EPHA7: variants seen among roughly 807,000 people sequenced by gnomAD.
EPHA7 encodes the protein ephrin type-A receptor 7.
EPHA7 carries 25 observed loss-of-function variants against 112.6 expected under a neutral mutation model. The ratio of observed to expected loss-of-function variants is 0.22; its 90% CI spans 0.16 to 0.31. The LOEUF is 0.31. EPHA7 is among the 10% of genes least tolerant of loss of function. The pLI is 1.00. For synonymous variants in EPHA7, 437 were observed against 406.5 expected (o/e 1.07, Z -0.90); for missense variants, 962 against 1,212.6 (o/e 0.79, Z 3.07).
At chr6:93,313,926 A>G (rs1468080148) in intron 5 of EPHA7, among the ~76,000 whole-genome samples, 1 of 152,158 alleles carries the variant, frequency 6.6e-6, no homozygotes, top group East Asian at 1.9e-4. Context: ...TTCATTAGGA[A>G]TAATGAGTTT....
In EPHA7 at chr6:93,241,458, G is replaced by T. The variant is rs752049255; in HGVS notation, c.*1968C>A. 3.7e-4 allele frequency: 80 copies of T among 215,186 alleles called. No individual in the cohort carries two copies. Among genetic ancestry groups the T allele is most frequent in the Admixed American group, 2.9e-3 (50 of 17,118 alleles). 13.3% of individuals were successfully genotyped at this position (215,186 alleles called of 1,614,324 possible). A position where few individuals can be genotyped will look rare whatever the true frequency, so the allele number is the denominator to read the frequency against. ...AAATATATTTACAGTCTATTACAAA[G>T]ATTACAAATGGAAGTGTCTAGGTGA... is the stretch of plus-strand genomic sequence containing the variant. On this transcript the variant is annotated 3_prime_UTR_variant, in exon 17 of 17. Coordinates refer to ENST00000369303, the MANE Select transcript of EPHA7 (RefSeq NM_004440.4).
intron 3 of EPHA7, among the ~76,000 whole-genome samples, chr6:93,368,254 C>A (rs1055428932): frequency 6.6e-6 from 1 of 152,078 alleles, no homozygotes; most frequent in Non-Finnish European, 1.5e-5. Flanking sequence ...TCTTTTACAG[C>A]ATGCCCAATT....
chr6:93,405,486 C>A (rs1296597385), intron 3 of EPHA7, among the ~76,000 whole-genome samples: 1 of 151,716 alleles, frequency 6.6e-6, no homozygotes, highest in Non-Finnish European at 1.5e-5. Flanking sequence ...ATTTGTTCAT[C>A]ACCATGAGGT....
intron 5 of EPHA7, among the ~76,000 whole-genome samples, chr6:93,305,325 C>CAA (rs201375496): frequency 6.5e-5 from 9 of 138,328 alleles, no homozygotes; most frequent in African/African-American, 2.1e-4. Flanking sequence ...AGTAAAAGTC[C>CAA]AAAAAAAAAA....
At chr6:93,297,424 T>G (rs1258068114) in intron 5 of EPHA7, among the ~76,000 whole-genome samples, 2 of 152,114 alleles carry the variant, frequency 1.3e-5, no homozygotes, top group Non-Finnish European at 2.9e-5. Context: ...TAAACCAAAG[T>G]TCTTTTGGTC....
chr6:93,410,389 G>T lies in EPHA7; in HGVS notation c.832+112C>A. 1.0e-6 allele frequency: 1 copy of T among 961,222 alleles called. No homozygotes were observed. Among genetic ancestry groups the T allele is most frequent in the Non-Finnish European group, 1.6e-6 (1 of 643,586 alleles). The allele number at this position is 961,222 out of a possible 1,614,324, so 59.5% of individuals were successfully genotyped here. A position where few individuals can be genotyped will look rare whatever the true frequency, so the allele number is the denominator to read the frequency against. ...GACTTTGTTTAAGATCTACTGAATT[G>T]CGCTTCTGGTACAGAGCAGATTCAC... On this transcript the variant is annotated intron_variant, in intron 3 of 16. Coordinates refer to ENST00000369303, the MANE Select transcript of EPHA7 (RefSeq NM_004440.4). The surrounding 1 kb of genome is among the most constrained non-coding windows in gnomAD (Gnocchi z 4.0).
chr6:93,263,188 T>A lies in EPHA7; in HGVS notation c.1798+672A>T, dbSNP rs552291284. On this transcript the variant is annotated intron_variant, in intron 9 of 16. Transcript: ENST00000369303. ...TTTTGATTTTGCCTACATAAAGTAA[T>A]AACAGTTACTCTCAGTGCTCTCATT... Among the ~76,000 whole-genome samples the A allele has an allele frequency of 2.6e-5, 4 of 151,480 alleles. No individual in the cohort carries two copies. In the East Asian group the frequency reaches 7.8e-4, roughly 30 times the overall value.
At chr6:93,405,716 C>G (rs946765543) in intron 3 of EPHA7, among the ~76,000 whole-genome samples, 12 of 149,358 alleles carry the variant, frequency 8.0e-5, no homozygotes, top group African/African-American at 2.9e-4. Flanking sequence ...GTGAAACCAG[C>G]ATTTTGAAAC....
chr6:93,418,937 C>T (rs1002165570), intron 1 of EPHA7, among the ~76,000 whole-genome samples: 1 of 152,202 alleles, frequency 6.6e-6, no homozygotes. Flanking sequence ...GAAATAAGCT[C>T]GCCGGCAGTT....
chr6:93,266,172 CTTTTAAAAATTTGCTTATTTTTTGT>C (rs1770925927), intron 7 of EPHA7, among the ~76,000 whole-genome samples: 1 of 151,554 alleles, frequency 6.6e-6, no homozygotes, highest in Non-Finnish European at 1.5e-5. Flanking sequence ...GACTTCAAGT[CTTTTAAAAATTTGCTTATTTTTTGT>C]TTTTAGTCTG....
In EPHA7 at chr6:93,242,533, C is replaced by T. The variant is rs1463054479; in HGVS notation, c.*893G>A. The T allele has an allele frequency of 9.9e-6, 2 of 201,274 alleles. No individual in the cohort carries two copies. The highest frequency in any genetic ancestry group is 4.6e-5 in the African/African-American group (2 of 43,586). The allele number at this position is 201,274 out of a possible 1,614,324, so 12.5% of individuals were successfully genotyped here. ...GATAGTTCTGCTTTCAGAGACTTGC[C>T]TTCACCAACATTCTTCAGATGAAGT... On this transcript the variant is annotated 3_prime_UTR_variant, in exon 17 of 17. Transcript: ENST00000369303.
chr6:93,341,294 A>C (rs1775123458), intron 5 of EPHA7, among the ~76,000 whole-genome samples: 1 of 151,868 alleles, frequency 6.6e-6, no homozygotes, highest in Admixed American at 6.6e-5. Context: ...ATAATTTCCA[A>C]ATATACAAAT....
At chr6:93,399,189 C>A (rs562199077) in intron 3 of EPHA7, among the ~76,000 whole-genome samples, 1 of 151,978 alleles carries the variant, frequency 6.6e-6, no homozygotes, top group African/African-American at 2.4e-5. Context: ...TAAGAGGTGC[C>A]CACTGTTCTC....
intron 5 of EPHA7, among the ~76,000 whole-genome samples, chr6:93,281,976 T>A (rs964715731): frequency 2.0e-5 from 3 of 151,926 alleles, no homozygotes; most frequent in African/African-American, 7.2e-5. Context: ...ACAAATAATT[T>A]TATGTAATAT....
chr6:93,280,009 A>C (rs1035616989), intron 5 of EPHA7, among the ~76,000 whole-genome samples: 1 of 152,160 alleles, frequency 6.6e-6, no homozygotes, highest in African/African-American at 2.4e-5. Flanking sequence ...CCTTTCGTTC[A>C]TACCTTCAAC....
In EPHA7 at chr6:93,410,187, G is replaced by C. The variant is rs1450650730; in HGVS notation, c.832+314C>G. The C allele has an allele frequency of 1.6e-5, 4 of 253,818 alleles. No homozygotes were observed. Among genetic ancestry groups the C allele is most frequent in the Non-Finnish European group, 3.1e-5 (4 of 130,998 alleles). The allele number at this position is 253,818 out of a possible 1,614,324, so 15.7% of individuals were successfully genotyped here. ...TTAAATGTCACCTCAGTCTTGCCAG[G>C]CTATATGTCCAACTACCCAGACTCC... is the stretch of plus-strand genomic sequence containing the variant. On this transcript the variant is annotated intron_variant, in intron 3 of 16. Coordinates refer to ENST00000369303, the MANE Select transcript of EPHA7 (RefSeq NM_004440.4). This position sits in a 1 kb window ranked among gnomAD's most constrained non-coding sequence, Gnocchi z 4.0.
chr6:93,379,552 T>C (rs1339093469), intron 3 of EPHA7, among the ~76,000 whole-genome samples: 1 of 151,958 alleles, frequency 6.6e-6, no homozygotes, highest in Non-Finnish European at 1.5e-5. Flanking sequence ...TATGCAAGAA[T>C]ACACTTAGAA....
At position 93,295,558 on chromosome 6, in the gene EPHA7, G is replaced by C. The variant is rs191478805; in HGVS notation, c.1325-23136C>G. ...AATATATATGACGTTTTCTTCCACT[G>C]TGTGTCTTATATTTTTATTTTTATA... On this transcript the variant is annotated intron_variant, in intron 5 of 16. Coordinates refer to ENST00000369303, the MANE Select transcript of EPHA7 (RefSeq NM_004440.4). Among the ~76,000 whole-genome samples the C allele has an allele frequency of 4.6e-3, 694 of 151,532 alleles. 8 individuals carry two copies. The highest frequency in any genetic ancestry group is 0.016 in the African/African-American group (666 of 41,410).
intron 5 of EPHA7, among the ~76,000 whole-genome samples, chr6:93,351,922 G>T (rs189003818): frequency 1.3e-5 from 2 of 152,148 alleles, no homozygotes; most frequent in East Asian, 3.9e-4. Flanking sequence ...GTCAAATAGT[G>T]TACCACTTGA....
Sources: gnomAD v4.1 joint callset for allele counts (sites outside exome capture counted in the v4.1 genomes callset) on GRCh38, gnomAD v4.1.1 for gene constraint, Gnocchi (gnomAD v3.1) non-coding constraint, MANE v1.5 for transcripts, NCBI Gene and HGNC (gene_info 2026-07-23, HGNC 2026-07-21) for gene names.